Variants in FRMD3 observed in about 807,000 individuals in gnomAD.
FRMD3 encodes FERM domain containing 3.
In FRMD3, 33 loss-of-function variants were observed where a neutral mutation model predicts 70.2. The ratio of observed to expected loss-of-function variants is 0.47; its 90% CI spans 0.36 to 0.63. FRMD3 has a LOEUF of 0.63. FRMD3 is among the 20% of genes least tolerant of loss of function. The pLI, the probability that FRMD3 is intolerant of heterozygous loss-of-function variation, is 0.00. For missense variants in FRMD3, 632 were observed against 711.4 expected, an observed-to-expected ratio of 0.89 and a Z score of 1.27; for synonymous variants, 279 against 255.9, an observed-to-expected ratio of 1.09 and a Z score of -0.86.
chr9:83,254,325 T>C (rs1315198529), intron 13 of FRMD3, among the ~76,000 whole-genome samples: 1 of 150,898 alleles, frequency 6.6e-6, no homozygotes, highest in Admixed American at 6.6e-5. Context: ...TGGTTTTTAA[T>C]ATATTTTTAA....
At chr9:83,305,993 C>A (rs1033592727) in intron 10 of FRMD3, among the ~76,000 whole-genome samples, 1 of 152,184 alleles carries the variant, frequency 6.6e-6, no homozygotes, top group Non-Finnish European at 1.5e-5. Flanking sequence ...AGCTAATCTG[C>A]TTACCCAAAA....
At chr9:83,521,133 C>T (rs2131545215) in intron 1 of FRMD3, among the ~76,000 whole-genome samples, 1 of 151,568 alleles carries the variant, frequency 6.6e-6, no homozygotes, top group African/African-American at 2.4e-5. Context: ...GCACAAGACT[C>T]CATCTCAAAA....
intron 1 of FRMD3, chr9:83,467,498 A>G (rs751748149): frequency 4.0e-6 from 3 of 749,002 alleles, no homozygotes; most frequent in Non-Finnish European, 6.9e-6. Context: ...CGAATTTCAC[A>G]TCCCCTTCTA....
intron 13 of FRMD3, among the ~76,000 whole-genome samples, chr9:83,269,520 A>G (rs1297010988): frequency 6.6e-6 from 1 of 152,126 alleles, no homozygotes; most frequent in African/African-American, 2.4e-5. Flanking sequence ...AAGCCTGGCC[A>G]ACATGGTGAA....
At chr9:83,384,820 A>T (rs1314603493) in intron 2 of FRMD3, among the ~76,000 whole-genome samples, 1 of 152,186 alleles carries the variant, frequency 6.6e-6, no homozygotes, top group Non-Finnish European at 1.5e-5. Context: ...AACAACACTG[A>T]TGGAAATGGG....
intron 3 of FRMD3, among the ~76,000 whole-genome samples, chr9:83,372,531 TC>T (rs1187778252): frequency 3.3e-5 from 5 of 152,182 alleles, no homozygotes; most frequent in Non-Finnish European, 7.3e-5. Flanking sequence ...CATCTGCTTC[TC>T]CCATCTTCCT....
rs757139817 is a variant in FRMD3 at position 83,248,397 on chromosome 9, G to T, written c.1315C>A (p.Pro439Thr). 2 of 1,614,118 alleles carry T rather than the reference G, an allele frequency of 1.2e-6. No individual in the cohort carries two copies. Among genetic ancestry groups the T allele is most frequent in the Non-Finnish European group, 1.7e-6 (2 of 1,180,020 alleles). Residue 439 changes from proline (P) to threonine (T), a missense_variant, in exon 14 of 14, where the codon CCT becomes ACT. By Grantham distance (38) the Pro-to-Thr change is conservative. Transcript: ENST00000304195. ...SEEEDKIKEEPLTISELVYNP... is the reference protein window; with the variant it reads ...SEEEDKIKEETLTISELVYNP... ...TACACTAGTTCAGAGATGGTTAAAG[G>T]TTCTTCTTTTATTTTATCTTCCTCT... is the stretch of plus-strand genomic sequence containing the variant.
chr9:83,447,253 G>A (rs1827506000), intron 1 of FRMD3, among the ~76,000 whole-genome samples: 1 of 152,176 alleles, frequency 6.6e-6, no homozygotes, highest in Admixed American at 6.5e-5. Context: ...TCACACTCCT[G>A]ACCTTGTGAT....
At chr9:83,443,117 T>G (rs184334684) in intron 1 of FRMD3, among the ~76,000 whole-genome samples, 18 of 152,302 alleles carry the variant, frequency 1.2e-4, no homozygotes, top group East Asian at 3.9e-4. Context: ...ATCTTTCACT[T>G]TTTTTGTATT....
chr9:83,435,337 A>G (rs10868007), intron 1 of FRMD3, among the ~76,000 whole-genome samples: 73,250 of 151,974 alleles, frequency 0.48, 18,556 homozygotes, highest in African/African-American at 0.66. Context: ...GGAGGATCTC[A>G]TGAAATCAGG....
rs59345002 is a variant in FRMD3, at chr9:83,261,102, G to GACACACACACACACACACAC, written c.1196-12606_1196-12587dup. Among the ~76,000 whole-genome samples, 512 of 133,130 alleles carry GACACACACACACACACACAC rather than the reference G, an allele frequency of 3.8e-3. 6 individuals are homozygous for GACACACACACACACACACAC. Among genetic ancestry groups the GACACACACACACACACACAC allele is most frequent in the Middle Eastern group, 8.3e-3 (2 of 242 alleles). 87.3% of individuals were successfully genotyped at this position (133,130 alleles called of 152,430 possible). A position where few individuals can be genotyped will look rare whatever the true frequency, so the allele number is the denominator to read the frequency against. ...GAAAGTATCCACAAAAGGAAACTTAGACACACACACACACACACACACACA... is the reference window on the plus strand; with the variant it reads ...GAAAGTATCCACAAAAGGAAACTTAGACACACACACACACACACACACACACACACACACACACACACACA... On this transcript the variant is annotated intron_variant, in intron 13 of 13. Transcript: ENST00000304195.
chr9:83,246,972 T>C lies in FRMD3; in HGVS notation c.*946A>G. ...CTCCAGTTCCTATCTGCCTTCACTC[T>C]TGGGTTAATGTACATTGATATGCAA... is the stretch of plus-strand genomic sequence containing the variant. On this transcript the variant is annotated 3_prime_UTR_variant, in exon 14 of 14. Transcript: ENST00000304195. 1.0e-6 allele frequency: 1 copy of C among 985,468 alleles called. No individual in the cohort carries two copies. The highest frequency in any genetic ancestry group is 1.7e-5 in the African/African-American group (1 of 57,374). 61.0% of individuals were successfully genotyped at this position (985,468 alleles called of 1,614,324 possible).
At chr9:83,530,648 C>T (rs1052278440) in intron 1 of FRMD3, among the ~76,000 whole-genome samples, 15 of 152,086 alleles carry the variant, frequency 9.9e-5, no homozygotes, top group African/African-American at 3.4e-4. Context: ...AACTACATCT[C>T]AATAAAACTG....
chr9:83,268,857 C>T (rs1449835843), intron 13 of FRMD3, among the ~76,000 whole-genome samples: 1 of 152,182 alleles, frequency 6.6e-6, no homozygotes, highest in Non-Finnish European at 1.5e-5. Context: ...AATTTTCAAC[C>T]CTGAAGCTTG....
intron 1 of FRMD3, among the ~76,000 whole-genome samples, chr9:83,451,987 A>G (rs1401760914): frequency 1.3e-5 from 2 of 152,178 alleles, no homozygotes; most frequent in East Asian, 3.8e-4. Flanking sequence ...TCCATTTCCT[A>G]TATAAACCCC....
rs150331539 is a variant in FRMD3, at chr9:83,279,693, C to T, written c.1195+10910G>A. Among the ~76,000 whole-genome samples, 185 of 151,450 alleles carry T rather than the reference C, an allele frequency of 1.2e-3. 1 individual carries two copies. The highest frequency in any genetic ancestry group is 4.1e-3 in the African/African-American group (170 of 41,260). On this transcript the variant is annotated intron_variant, in intron 13 of 13. Transcript: ENST00000304195. The stretch of plus-strand genomic sequence containing the variant: ...AGCCATTAGCTTCAGAAAACTAACA[C>T]GGGAACAGAAAACCACACACCAAAT...
chr9:83,400,525 T>C (rs1423732636), intron 1 of FRMD3, among the ~76,000 whole-genome samples: 1 of 152,212 alleles, frequency 6.6e-6, no homozygotes, highest in African/African-American at 2.4e-5. Context: ...AGTGGGATAT[T>C]GACAGTCAGA....
At chr9:83,313,112 A>T (rs1564009875) in intron 7 of FRMD3, among the ~76,000 whole-genome samples, 2 of 152,234 alleles carry the variant, frequency 1.3e-5, no homozygotes, top group Non-Finnish European at 2.9e-5. Context: ...GAGCTTGATT[A>T]AAAAGGCAGA....
intron 5 of FRMD3, among the ~76,000 whole-genome samples, chr9:83,342,505 T>C (rs1823795117): frequency 1.3e-5 from 2 of 152,154 alleles, no homozygotes; most frequent in Non-Finnish European, 2.9e-5. Flanking sequence ...TGGTAACTTA[T>C]CCATGGTGAA....
Sources: allele counts gnomAD v4.1 joint callset (sites outside exome capture counted in the v4.1 genomes callset), GRCh38; gene constraint gnomAD v4.1.1; transcripts MANE v1.5; gene names NCBI Gene and HGNC (gene_info 2026-07-23, HGNC 2026-07-21).